The following SNTG1 variants were observed in gnomAD, a reference collection of about 807,000 sequenced individuals.
The protein encoded by SNTG1 is syntrophin gamma 1, also known as gamma-1-syntrophin.
Under a neutral mutation model 74.7 loss-of-function variants are expected in SNTG1, and 39 were observed. The observed-to-expected ratio is 0.52, with a 90% CI of 0.40 to 0.68. SNTG1 has a LOEUF of 0.68. SNTG1 is among the 30% of genes least tolerant of loss of function. The pLI is 0.00. For synonymous variants in SNTG1, 254 were observed against 217.1 expected (o/e 1.17, Z -1.49); for missense variants, 685 against 609.5 (o/e 1.12, Z -1.30).
chr8:50,675,014 A>C (rs922435924), intron 15 of SNTG1, among the ~76,000 whole-genome samples: 59 of 152,174 alleles, frequency 3.9e-4, no homozygotes, highest in African/African-American at 1.4e-3. Context: ...ATTTTATTGC[A>C]GTATGGTCTA....
chr8:50,542,768 T>G (rs2094357595), intron 11 of SNTG1, among the ~76,000 whole-genome samples: 1 of 152,196 alleles, frequency 6.6e-6, no homozygotes, highest in Non-Finnish European at 1.5e-5. Context: ...ATTGCCTGTC[T>G]TTCATATATA....
At chr8:50,093,810 A>G (rs2079831587) in intron 1 of SNTG1, among the ~76,000 whole-genome samples, 1 of 152,210 alleles carries the variant, frequency 6.6e-6, no homozygotes, top group African/African-American at 2.4e-5. Flanking sequence ...GCCATCAAGC[A>G]AGATTAAACC....
At chr8:50,696,214 T>C (rs1397691066) in intron 15 of SNTG1, among the ~76,000 whole-genome samples, 2 of 152,066 alleles carry the variant, frequency 1.3e-5, no homozygotes, top group Non-Finnish European at 2.9e-5. Context: ...TATCTTATGA[T>C]TGGTGATGTT....
At chr8:50,553,007 A>G (rs2094435955) in intron 11 of SNTG1, 43 bp from the exon 12 acceptor site, 2 of 1,609,058 alleles carry the variant, frequency 1.2e-6, no homozygotes, top group South Asian at 1.1e-5. Flanking sequence ...CAAATAGATC[A>G]ATGACATGAG....
At chr8:50,720,700 C>T (rs1312035365) in intron 17 of SNTG1, among the ~76,000 whole-genome samples, 1 of 152,094 alleles carries the variant, frequency 6.6e-6, no homozygotes, top group African/African-American at 2.4e-5. Context: ...GGTATGTTTA[C>T]GGTTATTGCT....
At chr8:50,227,889 C>T (rs1470713966) in intron 2 of SNTG1, among the ~76,000 whole-genome samples, 14 of 142,168 alleles carry the variant, frequency 9.8e-5, no homozygotes, top group African/African-American at 3.3e-4. Flanking sequence ...GCAATACGTC[C>T]AGCCTCCAAA....
intron 2 of SNTG1, among the ~76,000 whole-genome samples, chr8:50,324,308 A>G (rs79707948): frequency 0.052 from 7,957 of 152,264 alleles, 244 homozygotes; most frequent in Middle Eastern, 0.12. Context: ...AGATGCACAG[A>G]TTCTGTCTCC....
At chr8:50,446,450 C>A (rs985628269) in intron 5 of SNTG1, among the ~76,000 whole-genome samples, 1 of 149,792 alleles carries the variant, frequency 6.7e-6, no homozygotes, top group Non-Finnish European at 1.5e-5. Context: ...TCAAGGTGGG[C>A]GGATCACCTG....
intron 2 of SNTG1, among the ~76,000 whole-genome samples, chr8:50,177,265 C>A (rs530585238): frequency 2.0e-5 from 3 of 152,182 alleles, no homozygotes; most frequent in African/African-American, 7.2e-5. Flanking sequence ...GAGTGTGGGG[C>A]CCTCTTGTTC....
chr8:50,061,297 C>T (rs1049958781), intron 1 of SNTG1, among the ~76,000 whole-genome samples: 14 of 149,240 alleles, frequency 9.4e-5, no homozygotes, highest in Non-Finnish European at 1.6e-4. Flanking sequence ...TTCTGTCGAA[C>T]TTCTGAACAT....
intron 1 of SNTG1, among the ~76,000 whole-genome samples, chr8:50,157,051 A>G (rs968684203): frequency 7.9e-5 from 12 of 152,140 alleles, no homozygotes; most frequent in African/African-American, 2.7e-4. Context: ...ATGGTTTTAT[A>G]TTTATGCAAT....
intron 4 of SNTG1, among the ~76,000 whole-genome samples, chr8:50,419,549 C>A (rs563230777): frequency 2.0e-5 from 3 of 152,250 alleles, no homozygotes; most frequent in Admixed American, 6.5e-5. Context: ...CCATCGCAAA[C>A]AATGGAGTCG....
In SNTG1 at chr8:50,267,480, G is replaced by A. The variant is rs569383381; in HGVS notation, c.-28+94845G>A. 8.5e-5 allele frequency among the ~76,000 whole-genome samples: 13 copies of A among 152,204 alleles called. 1 individual carries two copies. Among genetic ancestry groups the A allele is most frequent in the African/African-American group, 2.2e-4 (9 of 41,530 alleles). ...AGCTATACTTTACATACACAAAGCC[G>A]GCTATAATAATAAAGTGATAGGCAA... On this transcript the variant is annotated intron_variant, in intron 2 of 18. Coordinates refer to ENST00000642720, the MANE Select transcript of SNTG1 (RefSeq NM_018967.5).
chr8:50,405,443 G>C, intron 4 of SNTG1, among the ~76,000 whole-genome samples: 1 of 152,086 alleles, frequency 6.6e-6, no homozygotes, highest in South Asian at 2.1e-4. Flanking sequence ...CTACTTGTGC[G>C]TCCTCTTTGG....
intron 4 of SNTG1, among the ~76,000 whole-genome samples, chr8:50,406,200 A>G (rs1176597437): frequency 1.3e-5 from 2 of 152,074 alleles, no homozygotes; most frequent in Middle Eastern, 3.2e-3. Flanking sequence ...CCATTTATTT[A>G]TGGGTACTTT....
chr8:50,765,512 G>T (rs1178798112), intron 18 of SNTG1, among the ~76,000 whole-genome samples: 1 of 151,874 alleles, frequency 6.6e-6, no homozygotes, highest in Non-Finnish European at 1.5e-5. Flanking sequence ...CTCTTTCAGG[G>T]TGTCCTTACA....
chr8:50,338,232 T>C (rs1427459345), intron 2 of SNTG1, among the ~76,000 whole-genome samples: 2 of 152,142 alleles, frequency 1.3e-5, no homozygotes, highest in Non-Finnish European at 2.9e-5. Flanking sequence ...ACAAGGACAC[T>C]GGAGGAAATG....
At chr8:50,228,210 A>T (rs2085439469) in intron 2 of SNTG1, among the ~76,000 whole-genome samples, 2 of 152,042 alleles carry the variant, frequency 1.3e-5, no homozygotes, top group South Asian at 4.1e-4. Flanking sequence ...TAGACTTGAC[A>T]TAGCCAAGGA....
intron 9 of SNTG1, among the ~76,000 whole-genome samples, chr8:50,527,175 A>G (rs1013422972): frequency 4.0e-5 from 6 of 151,140 alleles, no homozygotes; most frequent in Non-Finnish European, 7.4e-5. Context: ...ACTTTTCCCC[A>G]TTTTTCTGTT....
Sources: gnomAD v4.1 joint callset for allele counts (sites outside exome capture counted in the v4.1 genomes callset) on GRCh38, gnomAD v4.1.1 for gene constraint, MANE v1.5 for transcripts, NCBI Gene and HGNC (gene_info 2026-07-23, HGNC 2026-07-21) for gene names.